RALGAPA1: variants seen among roughly 807,000 people sequenced by gnomAD.
RALGAPA1 encodes ral GTPase-activating protein subunit alpha-1.
In RALGAPA1, 52 loss-of-function variants were observed where a neutral mutation model predicts 269.6. The observed-to-expected ratio is 0.19, with a 90% CI of 0.15 to 0.24. RALGAPA1 has a LOEUF of 0.24. Among genes scored for constraint, RALGAPA1 ranks in the 10% least tolerant of loss-of-function variants. The probability of loss-of-function intolerance (pLI) is 1.00; values close to 1 mark genes in which losing one functional copy is unlikely to be tolerated. For synonymous variants in RALGAPA1, 817 were observed against 1,008.3 expected (o/e 0.81, Z 3.60); for missense variants, 1,917 against 3,013.9 (o/e 0.64, Z 8.52).
chr14:35,761,223 G>T (rs1296286227), intron 5 of RALGAPA1, among the ~76,000 whole-genome samples: 1 of 152,068 alleles, frequency 6.6e-6, no homozygotes, highest in Admixed American at 6.5e-5. Flanking sequence ...GAATGAACTT[G>T]TTCTCTATTT....
Position 35,700,146 on chromosome 14 carries a change from G to A in RALGAPA1, c.2407+16C>T, listed in dbSNP as rs1180115436. 1 of 1,513,124 alleles carries A rather than the reference G, an allele frequency of 6.6e-7. No individual in the cohort carries two copies. The highest frequency in any genetic ancestry group is 8.8e-7 in the Non-Finnish European group (1 of 1,140,472). The allele number at this position is 1,513,124 out of a possible 1,614,324, so 93.7% of individuals were successfully genotyped here. ...AGTGAAAAAGGTGGTGCAGAAATTA[G>A]CAGAGGTGGCACTACCTGAAAGCTC... On this transcript the variant is annotated intron_variant, in intron 17 of 41. Transcript: ENST00000680220.
intron 27 of RALGAPA1, among the ~76,000 whole-genome samples, chr14:35,661,746 C>G (rs1315850120): frequency 2.6e-5 from 4 of 152,122 alleles, no homozygotes; most frequent in Non-Finnish European, 4.4e-5. Flanking sequence ...ACTTTGTAAA[C>G]TCAGCACCTA....
chr14:35,585,761 T>G (rs1407011195), intron 37 of RALGAPA1, among the ~76,000 whole-genome samples: 1 of 152,144 alleles, frequency 6.6e-6, no homozygotes, highest in Non-Finnish European at 1.5e-5. Context: ...CAGATGGTTG[T>G]AGATGTGTGG....
At chr14:35,629,836 C>A (rs1032361101) in intron 33 of RALGAPA1, among the ~76,000 whole-genome samples, 1 of 152,082 alleles carries the variant, frequency 6.6e-6, no homozygotes, top group Admixed American at 6.6e-5. Context: ...TACATACATG[C>A]CCAATTTTAT....
intron 19 of RALGAPA1, among the ~76,000 whole-genome samples, chr14:35,685,460 A>G (rs2065839952): frequency 6.6e-6 from 1 of 152,138 alleles, no homozygotes; most frequent in African/African-American, 2.4e-5. Flanking sequence ...AATAAAAAAG[A>G]CAGTGGAAGA....
Position 35,731,173 on chromosome 14 carries a change from T to C in RALGAPA1, c.1588-2663A>G, listed in dbSNP as rs138652140. ...TTCAGCTCACAGGAAGCCACATCCATAGGAAAAGGGGGAGAGTACTACATC... is the reference window on the plus strand; with the variant it reads ...TTCAGCTCACAGGAAGCCACATCCACAGGAAAAGGGGGAGAGTACTACATC... On this transcript the variant is annotated intron_variant, in intron 12 of 41. Coordinates refer to ENST00000680220, the MANE Select transcript of RALGAPA1 (RefSeq NM_001346249.2). Among the ~76,000 whole-genome samples, 29 of 152,110 alleles carry C rather than the reference T, an allele frequency of 1.9e-4. No homozygotes were observed. In the East Asian group the frequency reaches 4.7e-3, roughly 24 times the overall value.
intron 11 of RALGAPA1, among the ~76,000 whole-genome samples, chr14:35,739,309 T>C (rs912186373): frequency 8.5e-5 from 13 of 152,188 alleles, no homozygotes; most frequent in African/African-American, 2.7e-4. Context: ...ATATTTTGTA[T>C]AGGGTTTGTA....
intron 5 of RALGAPA1, 45 bp from the exon 6 acceptor site, chr14:35,761,051 A>C: frequency 7.0e-7 from 1 of 1,419,986 alleles, no homozygotes; most frequent in Non-Finnish European, 9.5e-7. Context: ...TATAATGGAA[A>C]TATTTTCTTC....
chr14:35,663,160 A>G (rs931625478), intron 27 of RALGAPA1, among the ~76,000 whole-genome samples: 2 of 152,090 alleles, frequency 1.3e-5, no homozygotes, highest in Admixed American at 1.3e-4. Context: ...CACCTTGGCT[A>G]GGATTAAAGG....
intron 7 of RALGAPA1, among the ~76,000 whole-genome samples, chr14:35,754,312 A>C (rs1034052509): frequency 6.6e-6 from 1 of 152,196 alleles, no homozygotes; most frequent in Non-Finnish European, 1.5e-5. Flanking sequence ...ACTGGGAGAA[A>C]ATATTTGCAA....
At chr14:35,598,581 G>A (rs1362333775) in intron 36 of RALGAPA1, among the ~76,000 whole-genome samples, 4 of 151,900 alleles carry the variant, frequency 2.6e-5, no homozygotes, top group East Asian at 1.9e-4. Flanking sequence ...CACCACGCCC[G>A]GCTAATTTTT....
At position 35,742,353 on chromosome 14, in the gene RALGAPA1, A is replaced by G; in HGVS notation, c.1449+15T>C. On this transcript the variant is annotated intron_variant, in intron 11 of 41. Coordinates refer to ENST00000680220, the MANE Select transcript of RALGAPA1 (RefSeq NM_001346249.2). Reference sequence around the variant, plus strand: ...ATTAGACTAACACTAAAATATATAAATCTTATAACTTCACCTCTTCTCTTT... The same window carrying G: ...ATTAGACTAACACTAAAATATATAAGTCTTATAACTTCACCTCTTCTCTTT... 1 of 1,544,734 alleles carries G rather than the reference A, an allele frequency of 6.5e-7. No individual in the cohort carries two copies. Among genetic ancestry groups the G allele is most frequent in the East Asian group, 2.4e-5 (1 of 42,372 alleles).
intron 37 of RALGAPA1, among the ~76,000 whole-genome samples, chr14:35,579,315 T>C (rs948809734): frequency 6.6e-6 from 1 of 152,096 alleles, no homozygotes; most frequent in Non-Finnish European, 1.5e-5. Context: ...CCAAATCACG[T>C]AGTGCCATAG....
intron 31 of RALGAPA1, among the ~76,000 whole-genome samples, chr14:35,643,861 A>C (rs1273897828): frequency 1.3e-5 from 2 of 152,170 alleles, no homozygotes; most frequent in Non-Finnish European, 2.9e-5. Flanking sequence ...GAGACAGAGA[A>C]TAGAATGATG....
At chr14:35,747,680 G>C (rs1346195826) in intron 10 of RALGAPA1, among the ~76,000 whole-genome samples, 1 of 152,118 alleles carries the variant, frequency 6.6e-6, no homozygotes, top group Non-Finnish European at 1.5e-5. Flanking sequence ...CATTTTATTT[G>C]AAGATCTACC....
chr14:35,676,042 C>CA (rs1285652576), intron 22 of RALGAPA1, among the ~76,000 whole-genome samples: 2 of 151,776 alleles, frequency 1.3e-5, no homozygotes, highest in African/African-American at 4.8e-5. Context: ...GCCACTAAAA[C>CA]AAACAAAACA....
chr14:35,763,791 T>TAG (rs1180066022), intron 4 of RALGAPA1, among the ~76,000 whole-genome samples: 138 of 147,860 alleles, frequency 9.3e-4, no homozygotes, highest in Admixed American at 2.0e-3. Context: ...TATATATATA[T>TAG]ATAGAGAGAG....
At chr14:35,598,469 G>T (rs921062647) in intron 36 of RALGAPA1, among the ~76,000 whole-genome samples, 1 of 151,752 alleles carries the variant, frequency 6.6e-6, no homozygotes, top group Admixed American at 6.6e-5. Context: ...ACCCAGGCTG[G>T]AGTGCAGTGG....
chr14:35,669,238 C>T (rs1366535094), intron 26 of RALGAPA1, among the ~76,000 whole-genome samples: 3 of 152,046 alleles, frequency 2.0e-5, no homozygotes, highest in Admixed American at 1.3e-4. Context: ...TAAAATAATC[C>T]TATACGGCAG....
Sources: allele counts gnomAD v4.1 joint callset (sites outside exome capture counted in the v4.1 genomes callset), GRCh38; gene constraint gnomAD v4.1.1; transcripts MANE v1.5; gene names NCBI Gene and HGNC (gene_info 2026-07-23, HGNC 2026-07-21).